Variants in SMIM14 observed in about 807,000 individuals in gnomAD.
The protein encoded by SMIM14 is small integral membrane protein 14, also known as chromosome 4 open reading frame 34.
Under a neutral mutation model 12.6 loss-of-function variants are expected in SMIM14, and 5 were observed. The observed-to-expected ratio is 0.40, with a 90% CI of 0.21 to 0.83. The LOEUF is 0.83. Among genes scored for constraint, SMIM14 ranks in the 40% least tolerant of loss-of-function variants. SMIM14 has a pLI of 0.37. For synonymous variants in SMIM14, 30 were observed against 40.1 expected (o/e 0.75, Z 0.95); for missense variants, 86 against 119.1 (o/e 0.72, Z 1.29).
At chr4:39,569,151 G>C (rs560249378) in intron 3 of SMIM14, among the ~76,000 whole-genome samples, 17 of 152,296 alleles carry the variant, frequency 1.1e-4, no homozygotes, top group African/African-American at 4.1e-4. Context: ...AATGCTACTG[G>C]AGAAGTAAAG....
intron 2 of SMIM14, chr4:39,588,024 A>C (rs952803226): frequency 1.3e-5 from 2 of 152,204 alleles, no homozygotes; most frequent in Non-Finnish European, 2.9e-5. Context: ...ATACTAGCTA[A>C]GGTTCCAGCT....
intron 1 of SMIM14, among the ~76,000 whole-genome samples, chr4:39,630,637 G>A (rs556642128): frequency 2.0e-5 from 3 of 152,106 alleles, no homozygotes; most frequent in Non-Finnish European, 4.4e-5. Context: ...CAAGGCAGGC[G>A]AATCACCTGA....
At chr4:39,579,502 AG>A (rs1034198988) in intron 2 of SMIM14, among the ~76,000 whole-genome samples, 3 of 152,086 alleles carry the variant, frequency 2.0e-5, no homozygotes, top group African/African-American at 7.2e-5. Context: ...GCTAGGGAAA[AG>A]TATAGAATCT....
rs370454616 is a variant in SMIM14, at chr4:39,595,320, C to T, written c.75+9751G>A. Among the ~76,000 whole-genome samples, 603 of 144,260 alleles carry T rather than the reference C, an allele frequency of 4.2e-3. 1 individual carries two copies. Among genetic ancestry groups the T allele is most frequent in the African/African-American group, 0.015 (572 of 38,554 alleles). 94.6% of individuals were successfully genotyped at this position (144,260 alleles called of 152,430 possible). A position where few individuals can be genotyped will look rare whatever the true frequency, so the allele number is the denominator to read the frequency against. On this transcript the variant is annotated intron_variant, in intron 2 of 4. Transcript: ENST00000295958. ...ATTGCAAGAACAAAAAACCAAACAC[C>T]GCATATTCTCACTCATAGGTGGGAA...
intron 2 of SMIM14, among the ~76,000 whole-genome samples, chr4:39,590,976 T>G (rs1013270543): frequency 6.6e-6 from 1 of 152,148 alleles, no homozygotes; most frequent in African/African-American, 2.4e-5. Context: ...ACTAAATCTC[T>G]AATTAAAGTA....
intron 1 of SMIM14, among the ~76,000 whole-genome samples, chr4:39,611,562 T>G (rs907360996): frequency 1.2e-4 from 18 of 151,102 alleles, no homozygotes; most frequent in African/African-American, 4.1e-4. Flanking sequence ...TAATCCTAGC[T>G]ACTCAGGAGG....
chr4:39,619,867 T>TAC (rs1170895954), intron 1 of SMIM14, among the ~76,000 whole-genome samples: 1 of 72,384 alleles, frequency 1.4e-5, no homozygotes, highest in Non-Finnish European at 2.6e-5. Flanking sequence ...TATTTATATA[T>TAC]ATATATATAT....
chr4:39,573,807 A>G (rs1713021282), intron 2 of SMIM14, among the ~76,000 whole-genome samples: 1 of 152,204 alleles, frequency 6.6e-6, no homozygotes, highest in South Asian at 2.1e-4. Context: ...TACCACAAGG[A>G]GTGAAGGTAC....
intron 1 of SMIM14, among the ~76,000 whole-genome samples, chr4:39,637,547 C>T (rs1452531797): frequency 1.3e-5 from 2 of 151,444 alleles, no homozygotes; most frequent in African/African-American, 4.9e-5. Context: ...CACTGAAACA[C>T]CTCAATTAAT....
At chr4:39,627,993 T>C (rs186371711) in intron 1 of SMIM14, among the ~76,000 whole-genome samples, 68 of 152,294 alleles carry the variant, frequency 4.5e-4, no homozygotes, top group African/African-American at 1.6e-3. Context: ...ACCTCCTGTG[T>C]CATGGAGAGA....
chr4:39,622,087 G>GT, intron 1 of SMIM14, among the ~76,000 whole-genome samples: 2 of 151,956 alleles, frequency 1.3e-5, no homozygotes, highest in South Asian at 2.1e-4. Flanking sequence ...TTTGTTTTTT[G>GT]TTTTTTGTTT....
rs147611359 is a variant in SMIM14, at chr4:39,605,280, T to C, written c.-35-100A>G. ...ATATTGATTACATTCACAATAGTAT[T>C]AAACTATGTATAGTTTGTATTTATT... On this transcript the variant is annotated intron_variant, in intron 1 of 4. Transcript: ENST00000295958. 5,335 of 600,956 alleles carry C rather than the reference T, an allele frequency of 8.9e-3. 40 individuals are homozygous for C. Among genetic ancestry groups the C allele is most frequent in the Non-Finnish European group, 0.012 (4,304 of 348,310 alleles). The allele number at this position is 600,956 out of a possible 1,614,324, so 37.2% of individuals were successfully genotyped here. A position where few individuals can be genotyped will look rare whatever the true frequency, so the allele number is the denominator to read the frequency against.
chr4:39,553,663 A>G (rs1711853432), intron 4 of SMIM14, among the ~76,000 whole-genome samples: 1 of 147,810 alleles, frequency 6.8e-6, no homozygotes, highest in African/African-American at 2.5e-5. Flanking sequence ...GCGCCATCTC[A>G]GCTCACTGCA....
At chr4:39,624,329 T>C (rs1385232360) in intron 1 of SMIM14, among the ~76,000 whole-genome samples, 4 of 152,168 alleles carry the variant, frequency 2.6e-5, no homozygotes, top group East Asian at 3.8e-4. Flanking sequence ...ATGAGGAACA[T>C]AGCCCCAGCT....
At chr4:39,554,786 C>T (rs1197050646) in intron 4 of SMIM14, among the ~76,000 whole-genome samples, 1 of 143,394 alleles carries the variant, frequency 7.0e-6, no homozygotes, top group Non-Finnish European at 1.5e-5. Context: ...AATATGTATA[C>T]ATTTGTAGAA....
Position 39,556,515 on chromosome 4 carries a change from C to T in SMIM14, c.180G>A (p.Trp60Ter). 2 of 1,613,916 alleles carry T rather than the reference C, an allele frequency of 1.2e-6. No homozygotes were observed. Among genetic ancestry groups the T allele is most frequent in the Non-Finnish European group, 8.5e-7 (1 of 1,179,958 alleles). ...AGAACAAGATCAATGCAATAACCATCCAGGCTACCAAGATCATTGTAACAC... is the reference window on the plus strand; with the variant it reads ...AGAACAAGATCAATGCAATAACCATTCAGGCTACCAAGATCATTGTAACAC... ...GISVTMILVA[W>*]MVIALILFLL... is the part of the protein sequence containing the mutation. Residue 60 changes from tryptophan (W) to a stop codon, truncating the protein, a stop_gained, in exon 4 of 5, where the codon TGG (tryptophan) becomes TGA (stop). Transcript: ENST00000295958. LOFTEE classifies it high-confidence loss of function.
chr4:39,556,806 G>A (rs1712039145), intron 3 of SMIM14, among the ~76,000 whole-genome samples: 1 of 151,972 alleles, frequency 6.6e-6, no homozygotes, highest in Non-Finnish European at 1.5e-5. Context: ...TTTGTTTTTT[G>A]AGACAGGGTC....
intron 2 of SMIM14, among the ~76,000 whole-genome samples, chr4:39,581,518 C>CTTTTCTTTT (rs1553863490): frequency 9.8e-5 from 13 of 132,080 alleles, no homozygotes; most frequent in Non-Finnish European, 1.6e-4. Context: ...TTTTCTTTTT[C>CTTTTCTTTT]TTTTTTTTTT....
Position 39,572,470 on chromosome 4 carries a change from T to C in SMIM14, c.76-7A>G, listed in dbSNP as rs1367944253. On this transcript the variant is annotated splice_region_variant and splice_polypyrimidine_tract_variant and intron_variant, in intron 2 of 4. Transcript: ENST00000295958. ...AGGACTGGGACTGCCGTAACTACAA[T>C]GAATAAGAAAGGGAAGTTAGTGATT... 4.4e-6 allele frequency: 7 copies of C among 1,606,252 alleles called. No individual in the cohort carries two copies. Among genetic ancestry groups the C allele is most frequent in the East Asian group, 2.2e-5 (1 of 44,610 alleles).
Sources: allele counts gnomAD v4.1 joint callset (sites outside exome capture counted in the v4.1 genomes callset), GRCh38; gene constraint gnomAD v4.1.1; transcripts MANE v1.5; gene names NCBI Gene and HGNC (gene_info 2026-07-23, HGNC 2026-07-21).